The following PAM variants were observed in gnomAD, a reference collection of about 807,000 sequenced individuals.
PAM encodes peptidylglycine alpha-amidating monooxygenase, also known as peptidyl-glycine alpha-amidating monooxygenase.
Under a neutral mutation model 122.1 loss-of-function variants are expected in PAM, and 72 were observed. The observed-to-expected ratio is 0.59, with a 90% CI of 0.49 to 0.72. PAM has a LOEUF of 0.72. PAM is among the 30% of genes least tolerant of loss of function. The pLI, the probability that PAM is intolerant of heterozygous loss-of-function variation, is 0.00. For missense variants in PAM, 1,106 were observed against 1,183.7 expected, an observed-to-expected ratio of 0.93 and a Z score of 0.96; for synonymous variants, 389 against 404.4, an observed-to-expected ratio of 0.96 and a Z score of 0.46.
At chr5:103,015,070 A>C (rs1372142253) in intron 21 of PAM, among the ~76,000 whole-genome samples, 1 of 152,224 alleles carries the variant, frequency 6.6e-6, no homozygotes, top group African/African-American at 2.4e-5. Context: ...ACTTGAGCTG[A>C]AAAGTTCACT....
intron 7 of PAM, among the ~76,000 whole-genome samples, chr5:102,930,966 A>G (rs1356235494): frequency 6.6e-6 from 1 of 152,198 alleles, no homozygotes; most frequent in East Asian, 1.9e-4. Flanking sequence ...CAGACTGGTA[A>G]TGGCACATCC....
chr5:102,791,312 C>T (rs1180689409), intron 1 of PAM, among the ~76,000 whole-genome samples: 1 of 151,914 alleles, frequency 6.6e-6, no homozygotes, highest in East Asian at 1.9e-4. Context: ...TTAAAAAAGC[C>T]ATGTGACAGT....
intron 5 of PAM, among the ~76,000 whole-genome samples, chr5:102,919,450 C>G (rs1462367141): frequency 1.3e-5 from 2 of 152,234 alleles, no homozygotes; most frequent in South Asian, 2.1e-4. Context: ...ATCCTGGCCC[C>G]TGTCATCCAT....
chr5:102,925,684 C>G (rs1446866996), intron 6 of PAM, among the ~76,000 whole-genome samples: 1 of 151,916 alleles, frequency 6.6e-6, no homozygotes, highest in African/African-American at 2.4e-5. Flanking sequence ...CCTCAGAATT[C>G]TCTCCATATG....
intron 14 of PAM, among the ~76,000 whole-genome samples, chr5:102,965,201 C>A (rs892821921): frequency 1.2e-4 from 15 of 128,138 alleles, no homozygotes; most frequent in Admixed American, 1.0e-3. Flanking sequence ...ACACACACCT[C>A]ACATATATTA....
chr5:102,993,340 G>A (rs1774726733), intron 16 of PAM, among the ~76,000 whole-genome samples: 2 of 152,068 alleles, frequency 1.3e-5, no homozygotes. Flanking sequence ...AGTAATAACT[G>A]TTCCTGAGTT....
At chr5:102,809,900 G>A (rs1488455781) in intron 1 of PAM, among the ~76,000 whole-genome samples, 1 of 152,094 alleles carries the variant, frequency 6.6e-6, no homozygotes, top group East Asian at 1.9e-4. Context: ...TCCTGTTTGT[G>A]TTTGAAAATT....
chr5:102,780,579 A>G (rs542699253), intron 1 of PAM, among the ~76,000 whole-genome samples: 1 of 152,118 alleles, frequency 6.6e-6, no homozygotes, highest in Admixed American at 6.5e-5. Flanking sequence ...AAGGTCGTGC[A>G]CATTGCATGG....
At chr5:102,815,286 A>G (rs1407108416) in intron 1 of PAM, among the ~76,000 whole-genome samples, 1 of 152,028 alleles carries the variant, frequency 6.6e-6, no homozygotes, top group African/African-American at 2.4e-5. Flanking sequence ...ACCAGGAGAA[A>G]GGGAACTGAA....
At chr5:102,820,137 C>T (rs1275466779) in intron 1 of PAM, among the ~76,000 whole-genome samples, 1 of 152,058 alleles carries the variant, frequency 6.6e-6, no homozygotes, top group African/African-American at 2.4e-5. Flanking sequence ...TAGAACATAG[C>T]ATAAAATCAC....
intron 21 of PAM, among the ~76,000 whole-genome samples, chr5:103,012,032 A>G (rs191603336): frequency 2.5e-3 from 386 of 152,282 alleles, no homozygotes; most frequent in Non-Finnish European, 4.8e-3. Context: ...GCACTTTTCC[A>G]TATGTCTGTT....
intron 12 of PAM, among the ~76,000 whole-genome samples, chr5:102,957,075 G>A (rs1347465163): frequency 6.6e-6 from 1 of 152,008 alleles, no homozygotes; most frequent in Non-Finnish European, 1.5e-5. Context: ...ACAGATAGAA[G>A]GATATAGATA....
At chr5:103,000,424 A>G (rs955300344) in intron 16 of PAM, among the ~76,000 whole-genome samples, 1 of 152,198 alleles carries the variant, frequency 6.6e-6, no homozygotes, top group African/African-American at 2.4e-5. Flanking sequence ...AAACTTTCTG[A>G]CATCTTCCTG....
At chr5:103,019,619 A>G (rs1023004875) in intron 22 of PAM, among the ~76,000 whole-genome samples, 171 bp from the exon 23 acceptor site, 2 of 152,218 alleles carry the variant, frequency 1.3e-5, no homozygotes, top group Non-Finnish European at 2.9e-5. Context: ...TTTATCCAGG[A>G]TTCATGGACC....
At chr5:102,809,426 G>C (rs1422142986) in intron 1 of PAM, among the ~76,000 whole-genome samples, 1 of 151,654 alleles carries the variant, frequency 6.6e-6, no homozygotes, top group African/African-American at 2.4e-5. Context: ...GATAACAGCA[G>C]TTTCTAATTA....
chr5:103,000,569 C>G (rs1343460446), intron 16 of PAM, among the ~76,000 whole-genome samples: 1 of 152,140 alleles, frequency 6.6e-6, no homozygotes, highest in Non-Finnish European at 1.5e-5. Context: ...CCTTCTCACA[C>G]TGCTAATAAA....
intron 3 of PAM, among the ~76,000 whole-genome samples, chr5:102,875,189 CATTATT>C (rs10549667): frequency 6.7e-6 from 1 of 149,840 alleles, no homozygotes; most frequent in African/African-American, 2.5e-5. Context: ...AAATTATTAT[CATTATT>C]ATTATTATTA....
chr5:102,774,179 T>A (rs533718035), intron 1 of PAM, among the ~76,000 whole-genome samples: 23 of 152,248 alleles, frequency 1.5e-4, no homozygotes, highest in African/African-American at 5.5e-4. Flanking sequence ...AACGTTGATG[T>A]GCATGTGTCT....
Position 102,866,168 on chromosome 5 carries a change from C to G in PAM, c.-28C>G. ...GCCCCGCGCTGCGCTGCCCGGTCCTCTCCCGGCGGGGTCGTATCGGCGTGG... is the reference window on the plus strand; with the variant it reads ...GCCCCGCGCTGCGCTGCCCGGTCCTGTCCCGGCGGGGTCGTATCGGCGTGG... On this transcript the variant is annotated 5_prime_UTR_variant, in exon 2 of 26. Transcript: ENST00000438793. 1.3e-6 allele frequency: 2 copies of G among 1,553,500 alleles called. No individual in the cohort carries two copies. The highest frequency in any genetic ancestry group is 1.8e-6 in the Non-Finnish European group (2 of 1,127,540).
Sources: gnomAD v4.1 joint callset for allele counts (sites outside exome capture counted in the v4.1 genomes callset) on GRCh38, gnomAD v4.1.1 for gene constraint, MANE v1.5 for transcripts, NCBI Gene and HGNC (gene_info 2026-07-23, HGNC 2026-07-21) for gene names.